The following EPHA3 variants were observed in gnomAD, a reference collection of about 807,000 sequenced individuals.
EPHA3 encodes the protein EPH receptor A3, also known as ephrin type-A receptor 3.
A neutral mutation model predicts 107.1 loss-of-function variants in EPHA3; 42 were observed. The observed-to-expected ratio is 0.39, with a 90% CI of 0.31 to 0.51. The LOEUF is 0.51. Ranked by LOEUF, EPHA3 falls within the 20% of genes least tolerant of loss-of-function variation. EPHA3 has a pLI of 0.78. For missense variants in EPHA3, 1,183 were observed against 1,211.2 expected (o/e 0.98, Z 0.35); for synonymous variants, 461 against 424.8 (o/e 1.09, Z -1.05).
chr3:89,428,283 A>T (rs776791715), intron 11 of EPHA3, among the ~76,000 whole-genome samples: 1 of 152,022 alleles, frequency 6.6e-6, no homozygotes. Flanking sequence ...CAGCAAGTTA[A>T]TTAGCCTCTG....
At chr3:89,145,899 A>C (rs547278612) in intron 2 of EPHA3, among the ~76,000 whole-genome samples, 3 of 151,964 alleles carry the variant, frequency 2.0e-5, no homozygotes, top group Admixed American at 1.3e-4. Flanking sequence ...TAAGTTGCAT[A>C]ATTTAGTTAA....
intron 2 of EPHA3, among the ~76,000 whole-genome samples, chr3:89,153,999 A>G (rs1423754049): frequency 6.6e-6 from 1 of 151,720 alleles, no homozygotes; most frequent in Non-Finnish European, 1.5e-5. Flanking sequence ...TATTCTTCCC[A>G]CTTCCTGCAA....
chr3:89,155,346 A>G (rs889987509), intron 2 of EPHA3, among the ~76,000 whole-genome samples: 44 of 152,126 alleles, frequency 2.9e-4, no homozygotes, highest in African/African-American at 1.0e-3. Context: ...TTCTAGTTAT[A>G]TTAATAAGAC....
chr3:89,396,632 T>C (rs549436248), intron 6 of EPHA3, among the ~76,000 whole-genome samples: 1 of 152,320 alleles, frequency 6.6e-6, no homozygotes, highest in Non-Finnish European at 1.5e-5. Context: ...ATAACTCATT[T>C]TTTTTCTGGT....
chr3:89,257,496 C>T (rs1705312546), intron 3 of EPHA3, among the ~76,000 whole-genome samples: 1 of 152,002 alleles, frequency 6.6e-6, no homozygotes, highest in Non-Finnish European at 1.5e-5. Context: ...GTTGATTCCT[C>T]ATTTGAAGCA....
chr3:89,372,907 A>G (rs2107473611), intron 5 of EPHA3, among the ~76,000 whole-genome samples: 1 of 151,944 alleles, frequency 6.6e-6, no homozygotes, highest in African/African-American at 2.4e-5. Flanking sequence ...CAAAAGAACC[A>G]AGGATATGTC....
intron 2 of EPHA3, among the ~76,000 whole-genome samples, chr3:89,133,733 T>TTGCA (rs1379937251): frequency 6.6e-6 from 1 of 152,168 alleles, no homozygotes; most frequent in African/African-American, 2.4e-5. Context: ...GCTGCAGGAA[T>TTGCA]TGCAGTTTTC....
rs773949980 is a variant in EPHA3, at chr3:89,399,347, G to T, written c.1461G>T (p.Leu487=). ...KQEQETSYTI[L]RARGTNVTIS... Reference sequence around the variant, plus strand: ...AACAAGAAACAAGTTATACCATTCTGAGGGCAAGAGGCACAAATGTTACCA... The same window carrying T: ...AACAAGAAACAAGTTATACCATTCTTAGGGCAAGAGGCACAAATGTTACCA... Residue 487 remains leucine, a synonymous_variant, in exon 7 of 17, where the codon CTG becomes CTT. Coordinates refer to ENST00000336596, the MANE Select transcript of EPHA3 (RefSeq NM_005233.6). The T allele has an allele frequency of 1.2e-6, 2 of 1,612,524 alleles. No homozygotes were observed. The highest frequency in any genetic ancestry group is 4.5e-5 in the East Asian group (2 of 44,842).
chr3:89,142,157 C>G (rs1704445501), intron 2 of EPHA3, among the ~76,000 whole-genome samples: 1 of 151,160 alleles, frequency 6.6e-6, no homozygotes. Flanking sequence ...GGGAGGTAAT[C>G]ATGAAACTTT....
rs1287605589 is a variant in EPHA3 at position 89,480,697 on chromosome 3, TAGAG to T, written c.*1197_*1200del. The T allele has an allele frequency of 4.3e-6, 1 of 232,670 alleles. No homozygotes were observed. Among genetic ancestry groups the T allele is most frequent in the Non-Finnish European group, 8.5e-6 (1 of 117,508 alleles). 14.4% of individuals were successfully genotyped at this position (232,670 alleles called of 1,614,324 possible). ...TTGCTGAAACTTGCTGAGCTGTTTATAGAGAATGATGATAACAGAACTTTTCCTC... is the reference window on the plus strand; with the variant it reads ...TTGCTGAAACTTGCTGAGCTGTTTATAATGATGATAACAGAACTTTTCCTC... On this transcript the variant is annotated 3_prime_UTR_variant, in exon 17 of 17. Coordinates refer to ENST00000336596, the MANE Select transcript of EPHA3 (RefSeq NM_005233.6).
chr3:89,355,801 A>G lies in EPHA3; in HGVS notation c.1306+13711A>G, dbSNP rs1169418861. ...GGAAATAGAAACTCTTTTTTTTTTA[A>G]TTAAAAATGTGAATAAATATATATA... On this transcript the variant is annotated intron_variant, in intron 5 of 16. Transcript: ENST00000336596. Among the ~76,000 whole-genome samples, 3 of 149,362 alleles carry G rather than the reference A, an allele frequency of 2.0e-5. No individual in the cohort carries two copies. The East Asian group carries it at 5.8e-4, about 29-fold the overall frequency.
intron 2 of EPHA3, among the ~76,000 whole-genome samples, chr3:89,159,248 C>G (rs1251681423): frequency 1.3e-5 from 2 of 151,992 alleles, no homozygotes; most frequent in African/African-American, 4.8e-5. Flanking sequence ...TTCCTTTTAC[C>G]AAAATCAGAT....
chr3:89,220,456 T>G (rs1704346143), intron 3 of EPHA3, among the ~76,000 whole-genome samples: 1 of 152,160 alleles, frequency 6.6e-6, no homozygotes, highest in Non-Finnish European at 1.5e-5. Context: ...GACATGAAGA[T>G]GGATATTTTA....
chr3:89,280,388 A>G (rs1181521347), intron 3 of EPHA3, among the ~76,000 whole-genome samples: 1 of 152,134 alleles, frequency 6.6e-6, no homozygotes, highest in East Asian at 1.9e-4. Flanking sequence ...CCAGAGGTTG[A>G]AGTAAAAAAA....
intron 3 of EPHA3, among the ~76,000 whole-genome samples, chr3:89,308,017 A>T (rs1293602796): frequency 6.6e-6 from 1 of 152,164 alleles, no homozygotes; most frequent in East Asian, 1.9e-4. Context: ...TTAGAGTGTA[A>T]TCATTAAACG....
Position 89,472,553 on chromosome 3 carries a change from A to G in EPHA3, c.2780A>G (p.His927Arg). 6.2e-7 allele frequency: 1 copy of G among 1,614,152 alleles called. No homozygotes were observed. The highest frequency in any genetic ancestry group is 8.5e-7 in the Non-Finnish European group (1 of 1,180,012). ...TGGCTTAATGGTGTCTGGACAGCAC[A>G]CTGCAAGGAAATCTTCACGGGTGTG... Reference protein sequence around the residue: ...GDWLNGVWTAHCKEIFTGVEY... With the variant: ...GDWLNGVWTARCKEIFTGVEY... The change falls in exon 16 of 17, where the codon CAC becomes CGC. Residue 927 changes from histidine (H) to arginine (R), a missense_variant. His to Arg is a conservative substitution (Grantham distance 29, BLOSUM62 0). Transcript: ENST00000336596.
chr3:89,325,079 T>C (rs1336809258), intron 3 of EPHA3, among the ~76,000 whole-genome samples: 2 of 152,180 alleles, frequency 1.3e-5, no homozygotes, highest in East Asian at 1.9e-4. Flanking sequence ...ATATGTACTA[T>C]ATTTTATTTA....
chr3:89,280,465 C>CA (rs1705914950), intron 3 of EPHA3, among the ~76,000 whole-genome samples: 1 of 152,148 alleles, frequency 6.6e-6, no homozygotes, highest in Admixed American at 6.6e-5. Flanking sequence ...ACAGCTTATA[C>CA]AAATCAGAGC....
At chr3:89,183,464 A>G (rs2107124240) in intron 2 of EPHA3, among the ~76,000 whole-genome samples, 1 of 151,972 alleles carries the variant, frequency 6.6e-6, no homozygotes, top group Middle Eastern at 3.4e-3. Flanking sequence ...TGTCAATATT[A>G]TCCTGATTAG....
Sources: allele counts gnomAD v4.1 joint callset (sites outside exome capture counted in the v4.1 genomes callset), GRCh38; gene constraint gnomAD v4.1.1; transcripts MANE v1.5; gene names NCBI Gene and HGNC (gene_info 2026-07-23, HGNC 2026-07-21).